Variants in CTNNA2 observed in about 807,000 individuals in gnomAD.
CTNNA2 encodes catenin alpha 2.
Under a neutral mutation model 101.0 loss-of-function variants are expected in CTNNA2, and 42 were observed. The observed-to-expected ratio is 0.42, with a 90% CI of 0.32 to 0.54. The LOEUF is 0.54. Ranked by LOEUF, CTNNA2 falls within the 20% of genes least tolerant of loss-of-function variation. CTNNA2 has a pLI of 0.14. For missense variants in CTNNA2, 871 were observed against 1,223.1 expected (o/e 0.71, Z 4.29); for synonymous variants, 450 against 456.4 (o/e 0.99, Z 0.18).
chr2:79,423,369 C>A (rs1346056441), intron 4 of CTNNA2, among the ~76,000 whole-genome samples: 4 of 152,096 alleles, frequency 2.6e-5, no homozygotes, highest in Admixed American at 6.5e-5. Flanking sequence ...TCTGTAAACA[C>A]CACATCAAAA....
intron 4 of CTNNA2, among the ~76,000 whole-genome samples, chr2:79,494,967 G>A (rs1671240510): frequency 6.6e-6 from 1 of 152,086 alleles, no homozygotes; most frequent in Non-Finnish European, 1.5e-5. Context: ...GCTGGGCGTG[G>A]TTGCAGGCGC....
At chr2:79,803,392 C>A (rs1676318957) in intron 3 of CTNNA2, among the ~76,000 whole-genome samples, 1 of 152,174 alleles carries the variant, frequency 6.6e-6, no homozygotes, top group Admixed American at 6.5e-5. Context: ...TAACAGCAAG[C>A]CAGTCATTAG....
intron 3 of CTNNA2, among the ~76,000 whole-genome samples, chr2:79,316,338 T>G (rs894386314): frequency 6.6e-6 from 1 of 152,108 alleles, no homozygotes; most frequent in African/African-American, 2.4e-5. Flanking sequence ...CACACTACTT[T>G]TGCAGCAAGT....
intron 1 of CTNNA2, among the ~76,000 whole-genome samples, chr2:79,564,494 G>T (rs1674985375): frequency 6.6e-6 from 1 of 152,056 alleles, no homozygotes; most frequent in African/African-American, 2.4e-5. Context: ...TAGTGGTGAA[G>T]ATGATTGAAT....
At chr2:79,468,758 A>G (rs1265276590) in intron 4 of CTNNA2, among the ~76,000 whole-genome samples, 1 of 152,218 alleles carries the variant, frequency 6.6e-6, no homozygotes, top group African/African-American at 2.4e-5. Flanking sequence ...TGGAAACTGA[A>G]CAACCTGCTC....
Position 80,647,656 on chromosome 2 carries a change from A to T in CTNNA2, c.2646A>T (p.Ala882=). The part of the protein sequence containing the change: ...LMNAVVLTVK[A]SYVASTKYQK... ...ATGCTGTTGTCCTCACGGTGAAAGC[A>T]TCCTATGTGGCCTCAACCAAATACC... Residue 882 remains alanine, a synonymous_variant, in exon 19 of 19, where the codon GCA becomes GCT. Coordinates refer to ENST00000402739, the MANE Select transcript of CTNNA2 (RefSeq NM_001282597.3). 2 of 1,613,422 alleles carry T rather than the reference A, an allele frequency of 1.2e-6. No homozygotes were observed. The highest frequency in any genetic ancestry group is 1.7e-6 in the Non-Finnish European group (2 of 1,179,452).
chr2:79,835,205 C>T (rs962095842), intron 3 of CTNNA2, among the ~76,000 whole-genome samples: 17 of 152,134 alleles, frequency 1.1e-4, no homozygotes, highest in Admixed American at 2.6e-4. Context: ...TTTTAGTATT[C>T]GCCTTAAAAT....
intron 7 of CTNNA2, among the ~76,000 whole-genome samples, chr2:80,354,087 C>A (rs1228320575): frequency 2.0e-5 from 3 of 152,124 alleles, no homozygotes; most frequent in Non-Finnish European, 4.4e-5. Context: ...TAACCACTCA[C>A]AACTGAGCCT....
In CTNNA2 at chr2:79,213,232, C is replaced by A. The variant is rs190367120; in HGVS notation, c.-406+15156C>A. Among the ~76,000 whole-genome samples, 479 of 152,220 alleles carry A rather than the reference C, an allele frequency of 3.1e-3. 2 individuals are homozygous for A. The highest frequency in any genetic ancestry group is 0.014 in the Middle Eastern group (4 of 294). On this transcript the variant is annotated intron_variant, in intron 2 of 21. Coordinates refer to the CTNNA2 transcript ENST00000466387. ...TTATCAGCATAAGCATTGTCCTGAG[C>A]GATGGGATCTGATGATGCCCTTCGA...
At chr2:79,808,675 A>C (rs1340594191) in intron 3 of CTNNA2, among the ~76,000 whole-genome samples, 2 of 151,874 alleles carry the variant, frequency 1.3e-5, no homozygotes, top group Non-Finnish European at 2.9e-5. Flanking sequence ...TTTTCCTACG[A>C]GTTTTATAGT....
intron 11 of CTNNA2, among the ~76,000 whole-genome samples, chr2:80,546,942 T>C: frequency 6.6e-6 from 1 of 152,176 alleles, no homozygotes; most frequent in Admixed American, 6.5e-5. Flanking sequence ...TGTGTGGAAC[T>C]CACACCTACT....
intron 7 of CTNNA2, among the ~76,000 whole-genome samples, chr2:79,972,787 G>A (rs979511536): frequency 6.6e-6 from 1 of 152,164 alleles, no homozygotes; most frequent in African/African-American, 2.4e-5. Flanking sequence ...AGAAACAAGG[G>A]AGAGTGGGTG....
At chr2:79,818,821 T>TTTTTTATATATATATATATATATATA (rs1553373413) in intron 3 of CTNNA2, among the ~76,000 whole-genome samples, 2 of 74,280 alleles carry the variant, frequency 2.7e-5, no homozygotes, top group Admixed American at 1.5e-4. Flanking sequence ...CAAAATGCAA[T>TTTTTTATATATATATATATATATATA]TATATATATA....
At chr2:80,452,932 A>C (rs1683639701) in intron 9 of CTNNA2, among the ~76,000 whole-genome samples, 1 of 152,066 alleles carries the variant, frequency 6.6e-6, no homozygotes. Flanking sequence ...TTTCAGAGTT[A>C]GTTGGCCAAG....
At chr2:79,288,443 T>C (rs1675687630) in intron 2 of CTNNA2, among the ~76,000 whole-genome samples, 1 of 152,236 alleles carries the variant, frequency 6.6e-6, no homozygotes, top group Non-Finnish European at 1.5e-5. Flanking sequence ...TTGGAGTCTC[T>C]CATTGATGGA....
At chr2:79,279,860 C>A (rs115131062) in intron 2 of CTNNA2, among the ~76,000 whole-genome samples, 1 of 152,014 alleles carries the variant, frequency 6.6e-6, no homozygotes, top group Non-Finnish European at 1.5e-5. Context: ...AAGCATTGTC[C>A]TGTTAGCCCA....
intron 3 of CTNNA2, among the ~76,000 whole-genome samples, chr2:79,360,354 G>C (rs2104446247): frequency 6.6e-6 from 1 of 152,326 alleles, no homozygotes; most frequent in East Asian, 1.9e-4. Flanking sequence ...TTCTGGTTGA[G>C]AGAAATGTAC....
In CTNNA2 at chr2:80,302,029, C is replaced by T. The variant is rs141142222; in HGVS notation, c.1057-91182C>T. 1.9e-4 allele frequency: 106 copies of T among 549,476 alleles called. No homozygotes were observed. Among genetic ancestry groups the T allele is most frequent in the Middle Eastern group, 9.4e-4 (2 of 2,120 alleles). The allele number at this position is 549,476 out of a possible 1,614,324, so 34.0% of individuals were successfully genotyped here. A position where few individuals can be genotyped will look rare whatever the true frequency, so the allele number is the denominator to read the frequency against. Reference sequence around the variant, plus strand: ...TCATATGAAATTTAAGATAGACTGTCCTGAAGGTTGTGGGGTGGGGTTTTT... The same window carrying T: ...TCATATGAAATTTAAGATAGACTGTTCTGAAGGTTGTGGGGTGGGGTTTTT... On this transcript the variant is annotated intron_variant, in intron 7 of 18. Coordinates refer to ENST00000402739, the MANE Select transcript of CTNNA2 (RefSeq NM_001282597.3). This position sits in a 1 kb window ranked among gnomAD's most constrained non-coding sequence, Gnocchi z 6.4.
At chr2:79,777,617 C>CA (rs1255733097) in intron 3 of CTNNA2, among the ~76,000 whole-genome samples, 1 of 152,120 alleles carries the variant, frequency 6.6e-6, no homozygotes, top group Non-Finnish European at 1.5e-5. Context: ...CTTCTCTGTG[C>CA]AGAGCACTTG....
Sources: allele counts gnomAD v4.1 joint callset (sites outside exome capture counted in the v4.1 genomes callset), GRCh38; gene constraint gnomAD v4.1.1; non-coding constraint Gnocchi (gnomAD v3.1); transcripts MANE v1.5; gene names NCBI Gene and HGNC (gene_info 2026-07-23, HGNC 2026-07-21).